Variants in PCDH11X observed in about 807,000 individuals in gnomAD.
The protein encoded by PCDH11X is protocadherin 11 X-linked, also known as protocadherin-11 X-linked.
PCDH11X carries 18 observed loss-of-function variants against 53.3 expected under a neutral mutation model. The ratio of observed to expected loss-of-function variants is 0.34; its 90% CI spans 0.23 to 0.50. The LOEUF is 0.50. PCDH11X is among the 20% of genes least tolerant of loss of function. The pLI is 0.98. For synonymous variants in PCDH11X, 279 were observed against 393.3 expected, an observed-to-expected ratio of 0.71 and a Z score of 3.44; for missense variants, 570 against 1,032.4, an observed-to-expected ratio of 0.55 and a Z score of 6.14.
At chrX:92,052,647 A>C in intron 6 of PCDH11X, among the ~76,000 whole-genome samples, 1 of 71,689 alleles carries the variant, frequency 1.4e-5, no homozygotes, top group South Asian at 9.0e-4. Context: ...CATCCTAATT[A>C]ATCTGGTAGG....
At chrX:91,924,643 T>C (rs1232788664) in intron 6 of PCDH11X, among the ~76,000 whole-genome samples, 1 of 112,065 alleles carries the variant, frequency 8.9e-6, no homozygotes, top group Non-Finnish European at 1.9e-5. Flanking sequence ...TTAACCTATT[T>C]GAGCTCTCTC....
At chrX:91,949,906 C>G (rs976622310) in intron 6 of PCDH11X, among the ~76,000 whole-genome samples, 1 of 107,464 alleles carries the variant, frequency 9.3e-6, no homozygotes, top group Non-Finnish European at 1.9e-5. Context: ...AAAAAGAATT[C>G]TAATAGGAGG....
chrX:92,228,877 C>T (rs1173868224), intron 7 of PCDH11X, among the ~76,000 whole-genome samples: 10 of 111,739 alleles, frequency 8.9e-5, no homozygotes, highest in African/African-American at 3.2e-4. Context: ...TATGTGAGAC[C>T]TTGTCTTTCC....
intron 4 of PCDH11X, among the ~76,000 whole-genome samples, chrX:91,819,506 T>C (rs1332460113): frequency 1.8e-5 from 2 of 109,840 alleles, no homozygotes; most frequent in East Asian, 5.7e-4. Context: ...TAATGAATAC[T>C]CCAAGTTATT....
rs201613530 is a variant in PCDH11X at position 91,955,164 on chromosome X, C to T, written c.3033+75891C>T. Among the ~76,000 whole-genome samples, 8 of 111,510 alleles carry T rather than the reference C, an allele frequency of 7.2e-5. No homozygotes were observed. In the East Asian group the frequency reaches 2.3e-3, roughly 32 times the overall value. On this transcript the variant is annotated intron_variant, in intron 6 of 10. Coordinates refer to ENST00000682573, the MANE Select transcript of PCDH11X (RefSeq NM_032968.5). ...AGGAAAAAGTTCTAGTTTCAATTTT[C>T]TGCGTATGGCTAGCCAGCACTCCCA...
intron 10 of PCDH11X, among the ~76,000 whole-genome samples, chrX:92,552,242 C>G: frequency 1.0e-5 from 1 of 95,788 alleles, no homozygotes; most frequent in Non-Finnish European, 2.2e-5. Context: ...TGTTTTATAG[C>G]TTTCATTACA....
rs753430721 is a variant in PCDH11X at position 91,936,269 on chromosome X, A to G, written c.3033+56996A>G. Among the ~76,000 whole-genome samples the G allele has an allele frequency of 1.8e-4, 20 of 109,900 alleles. 1 individual carries two copies. In the South Asian group the frequency reaches 7.7e-3, roughly 43 times the overall value. ...CAGCAAAATGGGGTCTATTGGGGCA[A>G]TATTTATCCTTAGTACCCCTCAATT... On this transcript the variant is annotated intron_variant, in intron 6 of 10. Transcript: ENST00000682573.
At chrX:92,433,738 G>A (rs2072304960) in intron 9 of PCDH11X, among the ~76,000 whole-genome samples, 1 of 111,653 alleles carries the variant, frequency 9.0e-6, no homozygotes, top group Non-Finnish European at 1.9e-5. Context: ...ATGATATAAT[G>A]TATGTAAAGC....
At chrX:92,180,939 T>C (rs948970575) in intron 6 of PCDH11X, among the ~76,000 whole-genome samples, 2 of 110,256 alleles carry the variant, frequency 1.8e-5, no homozygotes, top group African/African-American at 6.6e-5. Flanking sequence ...TACAGTAAAT[T>C]GGTACCAGTA....
At chrX:92,104,555 G>C (rs1219279243) in intron 6 of PCDH11X, among the ~76,000 whole-genome samples, 2 of 111,150 alleles carry the variant, frequency 1.8e-5, no homozygotes, top group African/African-American at 6.5e-5. Flanking sequence ...TGGAACTACT[G>C]TCGAGTTTGT....
At chrX:92,019,274 C>T (rs1483834612) in intron 6 of PCDH11X, among the ~76,000 whole-genome samples, 3 of 109,232 alleles carry the variant, frequency 2.7e-5, no homozygotes, top group Middle Eastern at 4.7e-3. Context: ...AGGAGACCCC[C>T]TTGACCCCAC....
At chrX:92,570,015 C>CAAA (rs766388753) in intron 10 of PCDH11X, among the ~76,000 whole-genome samples, 28 of 31,928 alleles carry the variant, frequency 8.8e-4, no homozygotes, top group South Asian at 5.2e-3. Flanking sequence ...GACTCAGTCT[C>CAAA]AAAAAAAAAA....
At chrX:91,973,962 G>A (rs1307177313) in intron 6 of PCDH11X, among the ~76,000 whole-genome samples, 1 of 110,715 alleles carries the variant, frequency 9.0e-6, no homozygotes, top group Non-Finnish European at 1.9e-5. Context: ...AAAAGGAAAA[G>A]TAAAATTAAC....
intron 9 of PCDH11X, among the ~76,000 whole-genome samples, chrX:92,395,546 G>T (rs28410458): frequency 0.021 from 2,347 of 110,196 alleles, 55 homozygotes; most frequent in East Asian, 0.098. Flanking sequence ...TATAATGAAG[G>T]GATTATACGA....
intron 10 of PCDH11X, among the ~76,000 whole-genome samples, chrX:92,492,885 C>G (rs1001338658): frequency 9.0e-6 from 1 of 110,765 alleles, no homozygotes; most frequent in Non-Finnish European, 1.9e-5. Context: ...TTCCAACAAG[C>G]CTGCTGTGCA....
At chrX:92,186,032 A>G (rs1022454870) in intron 6 of PCDH11X, among the ~76,000 whole-genome samples, 7 of 111,757 alleles carry the variant, frequency 6.3e-5, no homozygotes, top group African/African-American at 2.0e-4. Flanking sequence ...AAAGGAAGTC[A>G]GTATATTGAA....
intron 6 of PCDH11X, among the ~76,000 whole-genome samples, chrX:92,017,548 A>AG (rs1349161982): frequency 9.4e-6 from 1 of 106,232 alleles, no homozygotes; most frequent in Non-Finnish European, 1.9e-5. Context: ...AAAAAAAAAA[A>AG]TAGCTGACTG....
intron 7 of PCDH11X, among the ~76,000 whole-genome samples, chrX:92,238,071 C>G (rs769854530): frequency 1.1e-3 from 126 of 111,749 alleles, no homozygotes; most frequent in African/African-American, 3.9e-3. Flanking sequence ...AAATTTTCCG[C>G]ATCTTTGAAA....
At chrX:92,121,104 G>T (rs1451700615) in intron 6 of PCDH11X, among the ~76,000 whole-genome samples, 1 of 110,655 alleles carries the variant, frequency 9.0e-6, no homozygotes, top group African/African-American at 3.3e-5. Flanking sequence ...TTAGTAGCAT[G>T]ATCATTCATT....
Sources: gnomAD v4.1 joint callset for allele counts (sites outside exome capture counted in the v4.1 genomes callset) on GRCh38, gnomAD v4.1.1 for gene constraint, MANE v1.5 for transcripts, NCBI Gene and HGNC (gene_info 2026-07-23, HGNC 2026-07-21) for gene names.